The following SCN4A variants were observed in gnomAD, a reference collection of about 807,000 sequenced individuals.
SCN4A encodes sodium voltage-gated channel alpha subunit 4.
In SCN4A, 83 loss-of-function variants were observed where a neutral mutation model predicts 162.0. The observed-to-expected ratio is 0.51, with a 90% CI of 0.43 to 0.61. SCN4A has a LOEUF of 0.61. SCN4A is among the 20% of genes least tolerant of loss of function. The pLI, the probability that SCN4A is intolerant of heterozygous loss-of-function variation, is 0.00. For synonymous variants in SCN4A, 944 were observed against 985.1 expected, an observed-to-expected ratio of 0.96 and a Z score of 0.78; for missense variants, 2,196 against 2,462.5, an observed-to-expected ratio of 0.89 and a Z score of 2.29.
chr17:63,970,270 A>G (rs965018348), intron 5 of SCN4A, among the ~76,000 whole-genome samples: 5 of 152,078 alleles, frequency 3.3e-5, no homozygotes, highest in Admixed American at 2.0e-4. Context: ...ATCACAAACC[A>G]TGGGCCAGGG....
chr17:63,971,870 C>T lies in SCN4A; in HGVS notation c.483-20G>A, dbSNP rs771069029. ...GTGTACCTGGGGGGGAGAGGGCCGG[C>T]CGGGACAGGCATGTCACCTGGGTAG... is the stretch of plus-strand genomic sequence containing the variant. On this transcript the variant is annotated intron_variant, in intron 3 of 23. Transcript: ENST00000435607. 3.7e-6 allele frequency: 6 copies of T among 1,612,642 alleles called. No individual in the cohort carries two copies. Among genetic ancestry groups the T allele is most frequent in the Non-Finnish European group, 5.1e-6 (6 of 1,179,344 alleles).
chr17:63,956,971 C>G (rs533934855), intron 13 of SCN4A, among the ~76,000 whole-genome samples, 191 bp downstream of exon 13: 1 of 152,194 alleles, frequency 6.6e-6, no homozygotes, highest in African/African-American at 2.4e-5. Context: ...GGGGTGGGGC[C>G]GGGGATCTAT....
At position 63,945,194 on chromosome 17, in the gene SCN4A, A is replaced by G. The variant is rs569165670; in HGVS notation, c.3721-134T>C. 4 of 1,053,914 alleles carry G rather than the reference A, an allele frequency of 3.8e-6. No homozygotes were observed. The highest frequency in any genetic ancestry group is 2.9e-5 in the South Asian group (2 of 67,918). 65.3% of individuals were successfully genotyped at this position (1,053,914 alleles called of 1,614,324 possible). ...CCAGAGCCCCACTGGGCTAGCATCAAATAAAGACCAGAGAGGTCTAGACAC... is the reference window on the plus strand; with the variant it reads ...CCAGAGCCCCACTGGGCTAGCATCAGATAAAGACCAGAGAGGTCTAGACAC... On this transcript the variant is annotated intron_variant, in intron 19 of 23. Transcript: ENST00000435607. This position sits in a 1 kb window ranked among gnomAD's most constrained non-coding sequence, Gnocchi z 4.4.
chr17:63,942,757 G>A (rs929798317), intron 23 of SCN4A, 69 bp downstream of exon 23: 87 of 1,499,114 alleles, frequency 5.8e-5, no homozygotes, highest in South Asian at 1.1e-4. Flanking sequence ...AGGTGTGTCC[G>A]TGTGAGGATG....
At chr17:63,947,005 C>A (rs768151879) in intron 18 of SCN4A, 40 bp downstream of exon 18, 24 of 1,434,610 alleles carry the variant, frequency 1.7e-5, no homozygotes, top group Non-Finnish European at 2.1e-5. Context: ...TGGCCGGTCC[C>A]CCATCCCCAG....
At chr17:63,962,469 T>C (rs73326360) in intron 10 of SCN4A, among the ~76,000 whole-genome samples, 11,801 of 152,188 alleles carry the variant, frequency 0.078, 1,114 homozygotes, top group African/African-American at 0.23. Flanking sequence ...TTTGGCTGTG[T>C]GGAAATATGG....
chr17:63,961,354 C>A lies in SCN4A; in HGVS notation c.1684G>T (p.Ala562Ser). ...ATGTTCTTGAACTTCAGCCACGGGG[C>A]GCAGCAGTTCCATATGAGCACTTTG... ...AHKVLIWNCC[A>S]PWLKFKNIIH... Residue 562 changes from alanine to serine, a missense_variant, in exon 11 of 24, where the codon GCC becomes TCC. Transcript: ENST00000435607. 6.2e-7 allele frequency: 1 copy of A among 1,613,850 alleles called. No individual in the cohort carries two copies. Among genetic ancestry groups the A allele is most frequent in the Non-Finnish European group, 8.5e-7 (1 of 1,179,816 alleles).
rs1183711503 is a variant in SCN4A, at chr17:63,972,469, G to T, written c.275C>A (p.Thr92Asn). Residue 92 changes from threonine to asparagine, a missense_variant and splice_region_variant, in exon 2 of 24, where the codon ACC becomes AAC. Physicochemically the swap from Thr to Asn is moderately conservative, Grantham distance 65. Transcript: ENST00000435607. This position sits in a 1 kb window ranked among gnomAD's most constrained non-coding sequence, Gnocchi z 4.3. ...CTTGCCCTTGTTGAGTACGATGAAG[G>T]TCTAAGGTGGGAGAGAGGCTGTGAG... ...DLDPYYSNKK[T>N]FIVLNKGKAI... 1 of 1,613,570 alleles carries T rather than the reference G, an allele frequency of 6.2e-7. No individual in the cohort carries two copies. Among genetic ancestry groups the T allele is most frequent in the South Asian group, 1.1e-5 (1 of 90,994 alleles).
rs930124201 is a variant in SCN4A, at chr17:63,949,441, C to T, written c.2941G>A (p.Ala981Thr). 2 of 1,605,762 alleles carry T rather than the reference C, an allele frequency of 1.2e-6. No homozygotes were observed. The highest frequency in any genetic ancestry group is 2.7e-5 in the African/African-American group (2 of 74,794). Residue 981 changes from alanine to threonine, a missense_variant, in exon 15 of 24, where the codon GCA (alanine) becomes ACA (threonine). Physicochemically the swap from Ala to Thr is moderately conservative, Grantham distance 58. Coordinates refer to ENST00000435607, the MANE Select transcript of SCN4A (RefSeq NM_000334.4). Reference protein sequence around the residue: ...KPPEEDPEEQAEENPEGEQPE... With the variant: ...KPPEEDPEEQTEENPEGEQPE... ...TGCTCCCCCTCGGGGTTCTCCTCTG[C>T]CTGCTCCTCAGGGTCCTCCTCGGGG...
chr17:63,964,451 T>C lies in SCN4A; in HGVS notation c.1452+17A>G, dbSNP rs969679807. The C allele has an allele frequency of 1.2e-6, 2 of 1,612,264 alleles. No homozygotes were observed. Among genetic ancestry groups the C allele is most frequent in the Non-Finnish European group, 1.7e-6 (2 of 1,178,600 alleles). Reference sequence around the variant, plus strand: ...GTAGAACCCTGGGTCCTCTATCTCCTTTCCCTGAGTCCAGACCTTCTCCAG... The same window carrying C: ...GTAGAACCCTGGGTCCTCTATCTCCCTTCCCTGAGTCCAGACCTTCTCCAG... On this transcript the variant is annotated intron_variant, in intron 9 of 23. Transcript: ENST00000435607.
chr17:63,965,385 A>G (rs1057449936), intron 8 of SCN4A, among the ~76,000 whole-genome samples: 1 of 152,218 alleles, frequency 6.6e-6, no homozygotes, highest in Non-Finnish European at 1.5e-5. Flanking sequence ...AACACCATCA[A>G]TGTTAGAAAC....
Position 63,945,641 on chromosome 17 carries a change from G to A in SCN4A, c.3442-3C>T, listed in dbSNP as rs2144779639. The stretch of plus-strand genomic sequence containing the variant: ...CCTAGGAGGGCGTTCACCACCACCT[G>A]GGGGCCAGGGGGTCCATTGCCAGTG... On this transcript the variant is annotated splice_polypyrimidine_tract_variant and splice_region_variant and intron_variant, in intron 18 of 23. Transcript: ENST00000435607. This position sits in a 1 kb window ranked among gnomAD's most constrained non-coding sequence, Gnocchi z 4.4. 6.2e-7 allele frequency: 1 copy of A among 1,613,656 alleles called. No individual in the cohort carries two copies. Among genetic ancestry groups the A allele is most frequent in the Non-Finnish European group, 8.5e-7 (1 of 1,179,760 alleles).
Position 63,947,168 on chromosome 17 carries a change from C to G in SCN4A, c.3319-1G>C. The G allele has an allele frequency of 6.2e-7, 1 of 1,613,226 alleles. No individual in the cohort carries two copies. Among genetic ancestry groups the G allele is most frequent in the Non-Finnish European group, 8.5e-7 (1 of 1,179,792 alleles). On this transcript the variant is annotated splice_acceptor_variant, in intron 17 of 23. Coordinates refer to ENST00000435607, the MANE Select transcript of SCN4A (RefSeq NM_000334.4). LOFTEE classifies it high-confidence loss of function. ...TGGCCACCAAGCTGATGATGGAGAC[C>G]TGCAGGGGAGGGGTGAGGGGATCAG...
In SCN4A at chr17:63,945,770, A is replaced by G. The variant is rs1299504310; in HGVS notation, c.3442-132T>C. 9 of 480,874 alleles carry G rather than the reference A, an allele frequency of 1.9e-5. No individual in the cohort carries two copies. Among genetic ancestry groups the G allele is most frequent in the Non-Finnish European group, 3.0e-5 (9 of 300,438 alleles). The allele number at this position is 480,874 out of a possible 1,614,324, so 29.8% of individuals were successfully genotyped here. On this transcript the variant is annotated intron_variant, in intron 18 of 23. Coordinates refer to ENST00000435607, the MANE Select transcript of SCN4A (RefSeq NM_000334.4). The surrounding 1 kb of genome is among the most constrained non-coding windows in gnomAD (Gnocchi z 4.4). The stretch of plus-strand genomic sequence containing the variant: ...GGGAGGGCTTCCTAGAGGAGGGCCG[A>G]CCTGCTGGGCTGTGTGTGTGCAGGT...
At chr17:63,955,635 C>T (rs1424401726) in intron 13 of SCN4A, among the ~76,000 whole-genome samples, 1 of 152,162 alleles carries the variant, frequency 6.6e-6, no homozygotes, top group Non-Finnish European at 1.5e-5. Context: ...GACTCAGTCA[C>T]CCCCAAGTCC....
At chr17:63,965,497 T>A (rs1394145418) in intron 8 of SCN4A, among the ~76,000 whole-genome samples, 1 of 151,920 alleles carries the variant, frequency 6.6e-6, no homozygotes, top group African/African-American at 2.4e-5. Flanking sequence ...TTTCTGTCTT[T>A]CTTTTTTTTC....
chr17:63,946,273 T>C (rs1908712585), intron 18 of SCN4A, among the ~76,000 whole-genome samples: 1 of 152,094 alleles, frequency 6.6e-6, no homozygotes, highest in African/African-American at 2.4e-5. Flanking sequence ...GCAGCTTGTT[T>C]CCCCTCAACG....
rs1449061395 is a variant in SCN4A, at chr17:63,940,380, G to A, written c.*391C>T. Reference sequence around the variant, plus strand: ...CTGGGGAGAGGCCAGTGACCCTTAAGACTCTGGTGATGGGGGGCAACTGAT... The same window carrying A: ...CTGGGGAGAGGCCAGTGACCCTTAAAACTCTGGTGATGGGGGGCAACTGAT... On this transcript the variant is annotated 3_prime_UTR_variant, in exon 24 of 24. Transcript: ENST00000435607. 2 of 199,458 alleles carry A rather than the reference G, an allele frequency of 1.0e-5. No individual in the cohort carries two copies. Among genetic ancestry groups the A allele is most frequent in the Non-Finnish European group, 2.0e-5 (2 of 98,984 alleles). The allele number at this position is 199,458 out of a possible 1,614,324, so 12.4% of individuals were successfully genotyped here.
Position 63,940,543 on chromosome 17 carries a change from C to T in SCN4A, c.*228G>A. ...GCAGGTTAAATCTTGGAGGCAGGGG[C>T]CTCAGACCCAGCATGGAGCCCCTGA... On this transcript the variant is annotated 3_prime_UTR_variant, in exon 24 of 24. Coordinates refer to ENST00000435607, the MANE Select transcript of SCN4A (RefSeq NM_000334.4). 2.0e-6 allele frequency: 1 copy of T among 489,708 alleles called. No homozygotes were observed. The highest frequency in any genetic ancestry group is 3.1e-5 in the East Asian group (1 of 31,904). 30.3% of individuals were successfully genotyped at this position (489,708 alleles called of 1,614,324 possible). A position where few individuals can be genotyped will look rare whatever the true frequency, so the allele number is the denominator to read the frequency against.
Sources: gnomAD v4.1 joint callset for allele counts (sites outside exome capture counted in the v4.1 genomes callset) on GRCh38, gnomAD v4.1.1 for gene constraint, Gnocchi (gnomAD v3.1) non-coding constraint, MANE v1.5 for transcripts, NCBI Gene and HGNC (gene_info 2026-07-23, HGNC 2026-07-21) for gene names.